SEL1L3: variants seen among roughly 807,000 people sequenced by gnomAD.
SEL1L3 encodes SEL1L family member 3, also known as protein sel-1 homolog 3.
A neutral mutation model predicts 142.8 loss-of-function variants in SEL1L3; 76 were observed. The ratio of observed to expected loss-of-function variants is 0.53; its 90% CI spans 0.44 to 0.64. The LOEUF is 0.64. SEL1L3 is among the 30% of genes least tolerant of loss of function. The pLI is 0.00. For synonymous variants in SEL1L3, 504 were observed against 519.6 expected, an observed-to-expected ratio of 0.97 and a Z score of 0.41; for missense variants, 1,262 against 1,381.7, an observed-to-expected ratio of 0.91 and a Z score of 1.37.
At chr4:25,863,127 A>C (rs1238964240), upstream of SEL1L3, 27 of 96,494 alleles carry the variant, frequency 2.8e-4, no homozygotes, top group East Asian at 6.6e-4. Flanking sequence ...CCGGGCTTCC[A>C]CCCCTCGGAG....
chr4:25,786,378 C>A (rs1032897767), intron 13 of SEL1L3, among the ~76,000 whole-genome samples: 26 of 152,122 alleles, frequency 1.7e-4, no homozygotes, highest in Non-Finnish European at 3.7e-4. Context: ...CCCACCCAGA[C>A]AAAACTTAGA....
the SEL1L3 span, among the ~76,000 whole-genome samples, chr4:25,742,161 A>C: frequency 2.6e-5 from 4 of 151,826 alleles, no homozygotes; most frequent in Admixed American, 2.6e-4. Flanking sequence ...TTTCACAGTT[A>C]AGTCTTTAAT....
chr4:25,750,877 T>C (rs1317945127), intron 23 of SEL1L3, among the ~76,000 whole-genome samples: 1 of 152,242 alleles, frequency 6.6e-6, no homozygotes, highest in Non-Finnish European at 1.5e-5. Context: ...GAATGAGTTG[T>C]CTTAAATTAT....
chr4:25,742,650 GT>G (rs1257163752), downstream of SEL1L3, among the ~76,000 whole-genome samples: 1 of 152,144 alleles, frequency 6.6e-6, no homozygotes, highest in Non-Finnish European at 1.5e-5. Context: ...TCATAGTTTG[GT>G]TAATTTCTAG....
chr4:25,833,156 C>T (rs754391536), intron 4 of SEL1L3, 46 bp from the exon 5 acceptor site: 11 of 1,089,150 alleles, frequency 1.0e-5, no homozygotes, highest in Admixed American at 6.8e-5. Context: ...AAAATATCTA[C>T]GAGTGAATGA....
chr4:25,823,777 A>G (rs1212742587), intron 6 of SEL1L3, among the ~76,000 whole-genome samples: 1 of 152,158 alleles, frequency 6.6e-6, no homozygotes, highest in African/African-American at 2.4e-5. Context: ...AGGGAGCCGA[A>G]GGAGCAAAGG....
intron 11 of SEL1L3, among the ~76,000 whole-genome samples, chr4:25,793,224 T>C (rs1712479806): frequency 6.6e-6 from 1 of 152,126 alleles, no homozygotes; most frequent in Non-Finnish European, 1.5e-5. Flanking sequence ...AGCCTTACCA[T>C]CGTGAGAAGT....
At chr4:25,721,204 A>G in the SEL1L3 span, 4 of 138,586 alleles carry the variant, frequency 2.9e-5, no homozygotes, top group Non-Finnish European at 4.5e-5. Context: ...ATAAGGATAT[A>G]AGCTTGGAAC....
chr4:25,811,748 GTTT>G (rs60024973), intron 9 of SEL1L3, among the ~76,000 whole-genome samples: 8 of 121,614 alleles, frequency 6.6e-5, no homozygotes, highest in African/African-American at 1.8e-4. Flanking sequence ...TTCTTTTCCT[GTTT>G]TTTTTTTTTT....
At chr4:25,839,715 GA>G (rs113264571) in intron 2 of SEL1L3, among the ~76,000 whole-genome samples, 12 of 152,332 alleles carry the variant, frequency 7.9e-5, no homozygotes, top group African/African-American at 2.9e-4. Flanking sequence ...ATTCGAGGGG[GA>G]GGGGTGTGGA....
intron 20 of SEL1L3, among the ~76,000 whole-genome samples, chr4:25,763,925 C>A (rs1718549364): frequency 1.3e-5 from 2 of 152,154 alleles, no homozygotes; most frequent in Admixed American, 6.5e-5. Context: ...AGTGGTCAGA[C>A]TGTAAAGCAC....
chr4:25,821,906 G>C, intron 7 of SEL1L3, 90 bp downstream of exon 7: 1 of 1,381,880 alleles, frequency 7.2e-7, no homozygotes, highest in Non-Finnish European at 9.7e-7. Context: ...TCTGGCTTGG[G>C]TAAACTTTTA....
At chr4:25,859,392 C>G (rs1024640182) in intron 1 of SEL1L3, among the ~76,000 whole-genome samples, 2 of 152,176 alleles carry the variant, frequency 1.3e-5, no homozygotes, top group Non-Finnish European at 2.9e-5. Flanking sequence ...TATCTTTCAG[C>G]CCTCATCACA....
In SEL1L3 at chr4:25,814,003, G is replaced by A. The variant is rs534108439; in HGVS notation, c.1564+4135C>T. ...TGATCCACCTAAAATCACACAGTGT[G>A]GGGGAAAGAAACGCTTTCAGGTCTG... On this transcript the variant is annotated intron_variant, in intron 9 of 23. Transcript: ENST00000399878. Among the ~76,000 whole-genome samples, 11 of 152,284 alleles carry A rather than the reference G, an allele frequency of 7.2e-5. No homozygotes were observed. In the South Asian group the frequency reaches 2.1e-3, roughly 29 times the overall value.
intron 3 of SEL1L3, 127 bp downstream of exon 3, chr4:25,835,070 T>A: frequency 8.9e-7 from 1 of 1,122,566 alleles, no homozygotes; most frequent in Non-Finnish European, 1.3e-6. Flanking sequence ...CATGGAAATC[T>A]CAACATTTTT....
intron 1 of SEL1L3, 40 bp downstream of exon 1, chr4:25,862,635 C>A: frequency 8.5e-7 from 1 of 1,174,510 alleles, no homozygotes; most frequent in Non-Finnish European, 1.1e-6. Context: ...CCCCGGGGCC[C>A]CGCGCGGAGG....
intron 1 of SEL1L3, among the ~76,000 whole-genome samples, chr4:25,855,885 G>T (rs370478484): frequency 3.3e-5 from 5 of 152,128 alleles, no homozygotes; most frequent in African/African-American, 1.2e-4. Context: ...TCTTATACTC[G>T]TAAGTTCTCT....
chr4:25,843,113 G>A (rs888287256), intron 2 of SEL1L3, among the ~76,000 whole-genome samples: 1 of 152,190 alleles, frequency 6.6e-6, no homozygotes, highest in Non-Finnish European at 1.5e-5. Flanking sequence ...GCTGGAAGCA[G>A]TGGGGAAGGG....
chr4:25,762,761 C>T (rs939779089), intron 20 of SEL1L3, among the ~76,000 whole-genome samples: 1 of 152,054 alleles, frequency 6.6e-6, no homozygotes, highest in Non-Finnish European at 1.5e-5. Flanking sequence ...GGGCGGATCA[C>T]GAGGTCAAGA....
Sources: allele counts gnomAD v4.1 joint callset (sites outside exome capture counted in the v4.1 genomes callset), GRCh38; gene constraint gnomAD v4.1.1; transcripts MANE v1.5; gene names NCBI Gene and HGNC (gene_info 2026-07-23, HGNC 2026-07-21).